INSYN2B: variants seen among roughly 807,000 people sequenced by gnomAD.
INSYN2B encodes the protein inhibitory synaptic factor family member 2B, also known as protein INSYN2B.
A neutral mutation model predicts 41.2 loss-of-function variants in INSYN2B; 16 were observed. That is an observed-to-expected ratio of 0.39 (90% CI 0.26 to 0.59). The LOEUF (loss-of-function observed/expected upper bound fraction) is 0.59, where lower values mean the gene tolerates loss of function less well. Among genes scored for constraint, INSYN2B ranks in the 20% least tolerant of loss-of-function variants. The pLI is 0.57. For synonymous variants in INSYN2B, 245 were observed against 244.4 expected, an observed-to-expected ratio of 1.00 and a Z score of -0.02; for missense variants, 608 against 646.4, an observed-to-expected ratio of 0.94 and a Z score of 0.64.
intron 1 of INSYN2B, among the ~76,000 whole-genome samples, chr5:169,922,118 G>A (rs548563936): frequency 6.6e-5 from 10 of 152,188 alleles, no homozygotes; most frequent in East Asian, 3.9e-4. Context: ...GAGAGAGAAC[G>A]TTAACATAAA....
chr5:169,875,222 C>T (rs1166619422), intron 3 of INSYN2B: 2 of 456,454 alleles, frequency 4.4e-6, no homozygotes, highest in African/African-American at 4.0e-5. Flanking sequence ...CCAACCATTC[C>T]CAGGGAGCTT....
At chr5:169,885,955 G>T (rs1359175526) in intron 1 of INSYN2B, among the ~76,000 whole-genome samples, 1 of 152,144 alleles carries the variant, frequency 6.6e-6, no homozygotes, top group Non-Finnish European at 1.5e-5. Context: ...CAGTAGAGGA[G>T]CTAGAATTTG....
chr5:169,948,957 G>T (rs1390100940), intron 1 of INSYN2B, among the ~76,000 whole-genome samples: 1 of 152,048 alleles, frequency 6.6e-6, no homozygotes, highest in Non-Finnish European at 1.5e-5. Context: ...CAAATTACAA[G>T]AATATCCTAT....
intron 1 of INSYN2B, among the ~76,000 whole-genome samples, chr5:169,921,535 G>A (rs1775174624): frequency 6.6e-6 from 1 of 152,154 alleles, no homozygotes; most frequent in Admixed American, 6.5e-5. Context: ...GGAAAATGTT[G>A]CCTCTTTCCT....
chr5:169,971,428 CTTT>C (rs34124700), intron 1 of INSYN2B, among the ~76,000 whole-genome samples: 28,980 of 135,112 alleles, frequency 0.21, 3,494 homozygotes, highest in East Asian at 0.45. Context: ...CTCCTAGAGC[CTTT>C]TTTTTTTTTT....
At chr5:169,905,186 C>G (rs553542383) in intron 1 of INSYN2B, among the ~76,000 whole-genome samples, 75 of 152,202 alleles carry the variant, frequency 4.9e-4, no homozygotes, top group Non-Finnish European at 9.6e-4. Context: ...GTGAAGCCAG[C>G]TGGGAGCAAG....
chr5:169,956,521 G>A (rs574728056), intron 1 of INSYN2B, among the ~76,000 whole-genome samples: 4 of 152,332 alleles, frequency 2.6e-5, no homozygotes, highest in African/African-American at 7.2e-5. Context: ...TTGAAGACAT[G>A]AGCTTGTAAG....
intron 1 of INSYN2B, among the ~76,000 whole-genome samples, chr5:169,968,666 T>A (rs915497812): frequency 6.6e-6 from 1 of 152,224 alleles, no homozygotes; most frequent in Non-Finnish European, 1.5e-5. Flanking sequence ...TTCGAAATCT[T>A]CACATTTTTC....
intron 1 of INSYN2B, among the ~76,000 whole-genome samples, chr5:169,919,751 T>C (rs556975341): frequency 2.6e-5 from 4 of 152,210 alleles, no homozygotes; most frequent in South Asian, 2.1e-4. Context: ...AACCTGCTAA[T>C]GTGGGGGCAA....
At chr5:169,893,593 CT>C (rs1452334336) in intron 1 of INSYN2B, among the ~76,000 whole-genome samples, 4 of 151,420 alleles carry the variant, frequency 2.6e-5, no homozygotes, top group Non-Finnish European at 5.9e-5. Flanking sequence ...AATCTAGAAT[CT>C]TTTTGATTTG....
intron 1 of INSYN2B, chr5:169,934,976 T>G: frequency 4.0e-6 from 1 of 249,252 alleles, no homozygotes; most frequent in Non-Finnish European, 8.0e-6. Flanking sequence ...TCAGCTAGAA[T>G]GCAAACGTTA....
chr5:169,924,783 A>T (rs146578770), intron 1 of INSYN2B, among the ~76,000 whole-genome samples: 1 of 152,196 alleles, frequency 6.6e-6, no homozygotes, highest in African/African-American at 2.4e-5. Context: ...TTTTTCATCA[A>T]TCTGAAGTAT....
At chr5:169,948,929 A>T (rs184854695) in intron 1 of INSYN2B, among the ~76,000 whole-genome samples, 19 of 151,722 alleles carry the variant, frequency 1.3e-4, no homozygotes, top group Non-Finnish European at 1.9e-4. Flanking sequence ...CAAGCATAAC[A>T]AGCATTTGTG....
At chr5:169,962,643 C>T (rs977043830) in intron 1 of INSYN2B, among the ~76,000 whole-genome samples, 1 of 152,118 alleles carries the variant, frequency 6.6e-6, no homozygotes, top group African/African-American at 2.4e-5. Flanking sequence ...AGATCCCTAA[C>T]CTCTAGGAAC....
chr5:169,866,035 C>T lies in INSYN2B; in HGVS notation c.1422-1576G>A, dbSNP rs568573038. Among the ~76,000 whole-genome samples the T allele has an allele frequency of 4.0e-5, 6 of 149,012 alleles. No individual in the cohort carries two copies. In the East Asian group the frequency reaches 7.8e-4, roughly 19 times the overall value. On this transcript the variant is annotated intron_variant, in intron 3 of 3. Coordinates refer to ENST00000377365, the MANE Select transcript of INSYN2B (RefSeq NM_001129891.3). ...AGGCAGGGCTGAAGAGTCAGAGGGG[C>T]GAGGGGGCCTGTTTTATAGCAAGAC...
At chr5:169,916,569 A>T (rs1774885965) in intron 1 of INSYN2B, among the ~76,000 whole-genome samples, 1 of 152,208 alleles carries the variant, frequency 6.6e-6, no homozygotes, top group Non-Finnish European at 1.5e-5. Context: ...TAAAGTGGAG[A>T]CAATGATAGT....
intron 1 of INSYN2B, among the ~76,000 whole-genome samples, chr5:169,929,251 C>G (rs1415168739): frequency 6.6e-6 from 1 of 152,226 alleles, no homozygotes; most frequent in Non-Finnish European, 1.5e-5. Context: ...ATCTCTTCCT[C>G]CACCATCCTT....
intron 1 of INSYN2B, among the ~76,000 whole-genome samples, chr5:169,921,012 C>T (rs1775144894): frequency 6.6e-6 from 1 of 152,186 alleles, no homozygotes; most frequent in Admixed American, 6.5e-5. Flanking sequence ...TCCTAATTAC[C>T]TTTGCAAGAA....
chr5:169,880,703 G>A (rs1772591165), intron 3 of INSYN2B, among the ~76,000 whole-genome samples: 1 of 152,142 alleles, frequency 6.6e-6, no homozygotes, highest in Non-Finnish European at 1.5e-5. Flanking sequence ...AGGGATAATT[G>A]TTCCCTATTC....
Sources: gnomAD v4.1 joint callset for allele counts (sites outside exome capture counted in the v4.1 genomes callset) on GRCh38, gnomAD v4.1.1 for gene constraint, MANE v1.5 for transcripts, NCBI Gene and HGNC (gene_info 2026-07-23, HGNC 2026-07-21) for gene names.